The following PRKG1 variants were observed in gnomAD, a reference collection of about 807,000 sequenced individuals.
The protein encoded by PRKG1 is protein kinase cGMP-dependent 1, also known as cGMP-dependent protein kinase 1.
PRKG1 carries 35 observed loss-of-function variants against 88.1 expected under a neutral mutation model. That is an observed-to-expected ratio of 0.40 (90% CI 0.30 to 0.53). The LOEUF is 0.53. PRKG1 is among the 20% of genes least tolerant of loss of function. The probability of loss-of-function intolerance (pLI) is 0.59; values close to 1 mark genes in which losing one functional copy is unlikely to be tolerated. For missense variants in PRKG1, 540 were observed against 839.8 expected, an observed-to-expected ratio of 0.64 and a Z score of 4.41; for synonymous variants, 303 against 292.5, an observed-to-expected ratio of 1.04 and a Z score of -0.37.
chr10:51,634,671 C>T lies in PRKG1; in HGVS notation c.592+166835C>T, dbSNP rs192161571. ...TACACTAGTCATGATAAATCACATC[C>T]TTGTGATTTCCATATGAAGCTAGAA... On this transcript the variant is annotated intron_variant, in intron 3 of 17. Transcript: ENST00000373980. 2.6e-5 allele frequency among the ~76,000 whole-genome samples: 4 copies of T among 152,126 alleles called. No homozygotes were observed. The East Asian group carries it at 7.7e-4, about 29-fold the overall frequency.
intron 2 of PRKG1, among the ~76,000 whole-genome samples, chr10:51,407,393 A>T (rs1837951765): frequency 6.6e-6 from 1 of 152,220 alleles, no homozygotes; most frequent in African/African-American, 2.4e-5. Flanking sequence ...CATAAAGTTA[A>T]CAATACTTAA....
In PRKG1 at chr10:52,098,536, C is replaced by T. The variant is rs10762564; in HGVS notation, c.936-35304C>T. Among the ~76,000 whole-genome samples the T allele has an allele frequency of 2.0e-5, 3 of 151,906 alleles. No homozygotes were observed. In the East Asian group the frequency reaches 5.8e-4, roughly 29 times the overall value. ...AAGACAGATGTGTAAATAGGCCGGG[C>T]GCGGTGGCTCACGCCTGTAATCCCA... On this transcript the variant is annotated intron_variant, in intron 7 of 17. Transcript: ENST00000373980.
intron 5 of PRKG1, among the ~76,000 whole-genome samples, chr10:52,049,095 T>C (rs1371155389): frequency 6.6e-6 from 1 of 152,170 alleles, no homozygotes; most frequent in East Asian, 1.9e-4. Context: ...GTGCTGGTTA[T>C]CACGCAGTCA....
chr10:51,757,947 G>A (rs1334468853), intron 3 of PRKG1, among the ~76,000 whole-genome samples: 1 of 152,070 alleles, frequency 6.6e-6, no homozygotes, highest in Non-Finnish European at 1.5e-5. Context: ...TGCAGCCTAG[G>A]AGATAACCGA....
chr10:51,649,789 G>A (rs1192340358), intron 3 of PRKG1, among the ~76,000 whole-genome samples: 1 of 152,164 alleles, frequency 6.6e-6, no homozygotes, highest in Admixed American at 6.5e-5. Context: ...TCTCCTAGAG[G>A]TTTCCCATTG....
At chr10:52,138,499 C>G (rs765984565) in intron 8 of PRKG1, among the ~76,000 whole-genome samples, 7 of 152,060 alleles carry the variant, frequency 4.6e-5, no homozygotes, top group Non-Finnish European at 1.0e-4. Context: ...GGTCTTCATT[C>G]TTTCCCTCAG....
At chr10:51,157,061 T>G (rs936816898) in intron 2 of PRKG1, among the ~76,000 whole-genome samples, 12 of 151,958 alleles carry the variant, frequency 7.9e-5, no homozygotes, top group African/African-American at 2.9e-4. Context: ...TATTTTTTTT[T>G]GTTTGCACCC....
At chr10:51,076,971 A>T (rs958151566) in intron 1 of PRKG1, among the ~76,000 whole-genome samples, 1 of 152,220 alleles carries the variant, frequency 6.6e-6, no homozygotes, top group Non-Finnish European at 1.5e-5. Context: ...GAGGAAAATG[A>T]TAGAATGCCT....
intron 3 of PRKG1, among the ~76,000 whole-genome samples, chr10:51,678,795 G>C (rs190886876): frequency 2.0e-5 from 3 of 152,280 alleles, no homozygotes; most frequent in African/African-American, 7.2e-5. Flanking sequence ...AGGCAGAGAC[G>C]AGTGTGTCTG....
At chr10:51,039,450 A>G (rs186824822) in intron 1 of PRKG1, among the ~76,000 whole-genome samples, 74 of 152,146 alleles carry the variant, frequency 4.9e-4, no homozygotes, top group African/African-American at 1.7e-3. Flanking sequence ...TTTCCTACAC[A>G]GTTGTTTGAG....
chr10:52,082,723 T>A (rs1846809306), intron 7 of PRKG1, among the ~76,000 whole-genome samples: 1 of 152,148 alleles, frequency 6.6e-6, no homozygotes, highest in South Asian at 2.1e-4. Flanking sequence ...ATATTTTGCC[T>A]GCCCATTTAT....
At chr10:52,050,609 A>G (rs1845966991) in intron 5 of PRKG1, among the ~76,000 whole-genome samples, 1 of 152,112 alleles carries the variant, frequency 6.6e-6, no homozygotes, top group Admixed American at 6.6e-5. Context: ...TATCTTTCCC[A>G]AACCTAGAAT....
intron 5 of PRKG1, among the ~76,000 whole-genome samples, chr10:51,916,014 A>G (rs1842331162): frequency 6.6e-6 from 1 of 152,164 alleles, no homozygotes; most frequent in Non-Finnish European, 1.5e-5. Context: ...GAGATTGGAA[A>G]ATGGTGTGCC....
At chr10:51,029,518 T>G (rs1843252730) in intron 1 of PRKG1, among the ~76,000 whole-genome samples, 1 of 152,236 alleles carries the variant, frequency 6.6e-6, no homozygotes, top group African/African-American at 2.4e-5. Context: ...GTCATAAAAC[T>G]TGTGATATCT....
intron 9 of PRKG1, among the ~76,000 whole-genome samples, chr10:52,219,313 A>G (rs1840187644): frequency 6.6e-6 from 1 of 152,210 alleles, no homozygotes; most frequent in Non-Finnish European, 1.5e-5. Context: ...AAATGTAATT[A>G]TAGTGTATTT....
At chr10:51,981,984 C>A (rs1844022247) in intron 5 of PRKG1, among the ~76,000 whole-genome samples, 1 of 152,144 alleles carries the variant, frequency 6.6e-6, no homozygotes, top group African/African-American at 2.4e-5. Context: ...TCCATGATCT[C>A]ATATATCTTA....
chr10:52,026,386 G>A (rs986001541), intron 5 of PRKG1, among the ~76,000 whole-genome samples: 2 of 152,162 alleles, frequency 1.3e-5, no homozygotes, highest in Non-Finnish European at 2.9e-5. Context: ...TTAAAAAGAA[G>A]TACTGATTTG....
chr10:51,843,365 G>A (rs75115987), intron 4 of PRKG1, among the ~76,000 whole-genome samples: 1 of 152,052 alleles, frequency 6.6e-6, no homozygotes, highest in Non-Finnish European at 1.5e-5. Context: ...CATTTGCGTT[G>A]GGGTATACCA....
intron 2 of PRKG1, among the ~76,000 whole-genome samples, chr10:51,342,127 T>G (rs1008314180): frequency 6.6e-6 from 1 of 152,234 alleles, no homozygotes; most frequent in Admixed American, 6.5e-5. Context: ...AGGCCCTTGC[T>G]GTTGAATCTT....
Sources: gnomAD v4.1 joint callset for allele counts (sites outside exome capture counted in the v4.1 genomes callset) on GRCh38, gnomAD v4.1.1 for gene constraint, MANE v1.5 for transcripts, NCBI Gene and HGNC (gene_info 2026-07-23, HGNC 2026-07-21) for gene names.